The following AK5 variants were observed in gnomAD, a reference collection of about 807,000 sequenced individuals.
AK5 encodes the protein adenylate kinase isoenzyme 5.
Under a neutral mutation model 69.5 loss-of-function variants are expected in AK5, and 27 were observed. The observed-to-expected ratio is 0.39, with a 90% CI of 0.29 to 0.54. The LOEUF (loss-of-function observed/expected upper bound fraction) is 0.54, where lower values mean the gene tolerates loss of function less well. AK5 is among the 20% of genes least tolerant of loss of function. The pLI is 0.71. For synonymous variants in AK5, 260 were observed against 244.4 expected, an observed-to-expected ratio of 1.06 and a Z score of -0.60; for missense variants, 531 against 700.4, an observed-to-expected ratio of 0.76 and a Z score of 2.73.
chr1:77,486,297 T>C lies in AK5; in HGVS notation c.1103-11T>C, dbSNP rs754515411. ...TTCTTGCCAATAACTTAAGTTATTCTTATTTTAAAGGTTTCATGGAAGATT... is the reference window on the plus strand; with the variant it reads ...TTCTTGCCAATAACTTAAGTTATTCCTATTTTAAAGGTTTCATGGAAGATT... On this transcript the variant is annotated splice_polypyrimidine_tract_variant and intron_variant, in intron 9 of 13. Transcript: ENST00000354567. 2.6e-6 allele frequency: 4 copies of C among 1,551,114 alleles called. No homozygotes were observed. The Admixed American group carries it at 6.8e-5, about 26-fold the overall frequency.
At chr1:77,333,894 C>T (rs907546285) in intron 5 of AK5, among the ~76,000 whole-genome samples, 1 of 152,196 alleles carries the variant, frequency 6.6e-6, no homozygotes, top group African/African-American at 2.4e-5. Flanking sequence ...AATTCCTGAA[C>T]AAGTAAAAGA....
chr1:77,483,300 T>A lies in AK5; in HGVS notation c.1060-17T>A. 2 of 1,598,834 alleles carry A rather than the reference T, an allele frequency of 1.3e-6. No homozygotes were observed. The highest frequency in any genetic ancestry group is 1.7e-6 in the Non-Finnish European group (2 of 1,166,134). ...ACCTGCTGTTATTATTATCTAATAT[T>A]GTGATTTTTTTAACAGGGTGATGAC... On this transcript the variant is annotated splice_polypyrimidine_tract_variant and intron_variant, in intron 8 of 13. Coordinates refer to ENST00000354567, the MANE Select transcript of AK5 (RefSeq NM_174858.3).
At chr1:77,457,313 T>A (rs57940344) in intron 8 of AK5, among the ~76,000 whole-genome samples, 6,931 of 152,242 alleles carry the variant, frequency 0.046, 401 homozygotes, top group East Asian at 0.19. Context: ...TGGGACATTT[T>A]ACAGTTGGTT....
At chr1:77,396,766 A>T (rs1648857806) in intron 6 of AK5, among the ~76,000 whole-genome samples, 2 of 152,246 alleles carry the variant, frequency 1.3e-5, no homozygotes, top group Admixed American at 1.3e-4. Context: ...TTGAGTTCTT[A>T]TCCAAGATGT....
At chr1:77,427,376 T>C (rs142620706) in intron 8 of AK5, among the ~76,000 whole-genome samples, 1 of 152,260 alleles carries the variant, frequency 6.6e-6, no homozygotes, top group African/African-American at 2.4e-5. Flanking sequence ...AACAATGCTA[T>C]GCCCACGAAT....
At chr1:77,487,791 G>C (rs889622251) in intron 10 of AK5, among the ~76,000 whole-genome samples, 2 of 152,222 alleles carry the variant, frequency 1.3e-5, no homozygotes, top group African/African-American at 4.8e-5. Flanking sequence ...TGTGTTGGTT[G>C]TTAACCTGAA....
At chr1:77,328,049 A>G (rs1012806737) in intron 5 of AK5, among the ~76,000 whole-genome samples, 1 of 152,208 alleles carries the variant, frequency 6.6e-6, no homozygotes, top group Admixed American at 6.5e-5. Context: ...CTAGCTCATA[A>G]TAGGATCCTA....
intron 8 of AK5, among the ~76,000 whole-genome samples, chr1:77,443,518 T>TTTC (rs1447161321): frequency 6.6e-6 from 1 of 152,120 alleles, no homozygotes; most frequent in Admixed American, 6.5e-5. Context: ...CCAGGAAGTA[T>TTTC]TTCTTCTTCT....
chr1:77,477,557 T>C (rs1430231069), intron 8 of AK5, among the ~76,000 whole-genome samples: 1 of 152,248 alleles, frequency 6.6e-6, no homozygotes, highest in Non-Finnish European at 1.5e-5. Flanking sequence ...ATTTGAGTTA[T>C]TCTGTTTAGT....
intron 10 of AK5, among the ~76,000 whole-genome samples, chr1:77,516,114 T>C (rs1261263542): frequency 1.3e-5 from 2 of 152,154 alleles, no homozygotes; most frequent in African/African-American, 4.8e-5. Flanking sequence ...TAAAAAAATG[T>C]GCTAGAATAT....
intron 2 of AK5, among the ~76,000 whole-genome samples, chr1:77,287,512 A>C (rs1392006228): frequency 6.6e-6 from 1 of 152,266 alleles, no homozygotes; most frequent in Admixed American, 6.5e-5. Context: ...ATTAGCTAGA[A>C]AGAGATTTGG....
intron 13 of AK5, among the ~76,000 whole-genome samples, chr1:77,536,614 CA>C (rs1212747977): frequency 2.0e-5 from 3 of 151,758 alleles, no homozygotes; most frequent in African/African-American, 4.8e-5. Flanking sequence ...TCCTTTTTCC[CA>C]AAAAAGAGAG....
At chr1:77,411,848 G>A (rs548439486) in intron 7 of AK5, among the ~76,000 whole-genome samples, 3 of 152,152 alleles carry the variant, frequency 2.0e-5, no homozygotes, top group Admixed American at 6.5e-5. Flanking sequence ...AAGAAAGACA[G>A]AATTACAAGG....
intron 8 of AK5, among the ~76,000 whole-genome samples, chr1:77,441,945 T>G (rs1652355234): frequency 6.6e-6 from 1 of 152,118 alleles, no homozygotes; most frequent in Non-Finnish European, 1.5e-5. Flanking sequence ...CCCTAGCAGC[T>G]TGGGTCCAGG....
chr1:77,512,337 G>C (rs1252579212), intron 10 of AK5, among the ~76,000 whole-genome samples: 1 of 152,174 alleles, frequency 6.6e-6, no homozygotes, highest in Non-Finnish European at 1.5e-5. Context: ...TTAATGGCTA[G>C]TTCCCAAATT....
intron 5 of AK5, among the ~76,000 whole-genome samples, chr1:77,305,586 G>C (rs1659590062): frequency 6.6e-6 from 1 of 151,922 alleles, no homozygotes; most frequent in South Asian, 2.1e-4. Flanking sequence ...CATTTATTAA[G>C]GCAGAAAGAG....
intron 13 of AK5, among the ~76,000 whole-genome samples, chr1:77,539,378 T>TA (rs1268045227): frequency 1.3e-5 from 2 of 152,132 alleles, no homozygotes; most frequent in Admixed American, 6.5e-5. Context: ...ACTGCACAAA[T>TA]ATGTAAAACC....
At chr1:77,496,696 G>C (rs903699439) in intron 10 of AK5, among the ~76,000 whole-genome samples, 2 of 152,174 alleles carry the variant, frequency 1.3e-5, no homozygotes, top group Non-Finnish European at 2.9e-5. Context: ...GGGCTTCTGG[G>C]TTGGGTGGGG....
chr1:77,326,151 A>C (rs904024484), intron 5 of AK5, among the ~76,000 whole-genome samples: 1 of 152,172 alleles, frequency 6.6e-6, no homozygotes, highest in African/African-American at 2.4e-5. Flanking sequence ...AATATGAAAG[A>C]GGAGAGTTAT....
Sources: gnomAD v4.1 joint callset for allele counts (sites outside exome capture counted in the v4.1 genomes callset) on GRCh38, gnomAD v4.1.1 for gene constraint, MANE v1.5 for transcripts, NCBI Gene and HGNC (gene_info 2026-07-23, HGNC 2026-07-21) for gene names.